EVA1C: variants seen among roughly 807,000 people sequenced by gnomAD.
EVA1C encodes the protein protein eva-1 homolog C.
EVA1C carries 25 observed loss-of-function variants against 45.4 expected under a neutral mutation model. The observed-to-expected ratio is 0.55, with a 90% CI of 0.40 to 0.77. The LOEUF (loss-of-function observed/expected upper bound fraction) is 0.77. Among genes scored for constraint, EVA1C ranks in the 30% least tolerant of loss-of-function variants. The probability of loss-of-function intolerance (pLI) is 0.00; values close to 1 mark genes in which losing one functional copy is unlikely to be tolerated. For missense variants in EVA1C, 479 were observed against 554.8 expected (o/e 0.86, Z 1.37); for synonymous variants, 190 against 221.2 (o/e 0.86, Z 1.25).
intron 1 of EVA1C, among the ~76,000 whole-genome samples, chr21:32,431,651 ATAT>A (rs1736600354): frequency 6.6e-6 from 1 of 152,174 alleles, no homozygotes; most frequent in South Asian, 2.1e-4. Context: ...TAAATATGTA[ATAT>A]TTATTATTAT....
intron 1 of EVA1C, among the ~76,000 whole-genome samples, chr21:32,430,007 A>C (rs1269298858): frequency 2.0e-5 from 3 of 152,116 alleles, no homozygotes; most frequent in Non-Finnish European, 4.4e-5. Context: ...CCCAGTAGCC[A>C]TGTGTGGCCT....
intron 3 of EVA1C, among the ~76,000 whole-genome samples, chr21:32,466,292 G>A (rs763785713): frequency 6.5e-4 from 99 of 151,982 alleles, no homozygotes; most frequent in East Asian, 1.4e-3. Context: ...GGTGGCGGGT[G>A]CCTGTAGTCC....
intron 1 of EVA1C, among the ~76,000 whole-genome samples, chr21:32,433,608 T>A (rs1219965531): frequency 2.0e-5 from 3 of 152,244 alleles, no homozygotes; most frequent in Non-Finnish European, 4.4e-5. Flanking sequence ...CCTCAGGTTG[T>A]CCCTCACTGG....
intron 4 of EVA1C, among the ~76,000 whole-genome samples, chr21:32,490,641 T>G (rs1034489687): frequency 7.9e-5 from 12 of 152,356 alleles, no homozygotes; most frequent in African/African-American, 2.4e-4. Flanking sequence ...TTCCACCTCT[T>G]GGCTGTTGTG....
intron 4 of EVA1C, among the ~76,000 whole-genome samples, chr21:32,471,262 G>A (rs936732502): frequency 6.6e-6 from 1 of 151,908 alleles, no homozygotes; most frequent in African/African-American, 2.4e-5. Flanking sequence ...GATTGTGCAA[G>A]GCATTGTGGA....
intron 1 of EVA1C, among the ~76,000 whole-genome samples, chr21:32,417,018 A>G (rs2034075178): frequency 1.3e-5 from 2 of 152,132 alleles, no homozygotes; most frequent in African/African-American, 4.8e-5. Context: ...TGCAGTGGCT[A>G]TTTGCAGGTG....
intron 1 of EVA1C, among the ~76,000 whole-genome samples, chr21:32,438,486 C>CAAAAA (rs35688820): frequency 5.2e-5 from 3 of 57,260 alleles, no homozygotes; most frequent in African/African-American, 1.4e-4. Flanking sequence ...GACTCTGTCT[C>CAAAAA]AAAAAAAAAA....
At chr21:32,457,491 G>T (rs905485193) in intron 2 of EVA1C, 106 bp from the exon 3 acceptor site, 104 of 1,354,992 alleles carry the variant, frequency 7.7e-5, no homozygotes, top group Non-Finnish European at 1.0e-4. Flanking sequence ...TTGGCCAGGT[G>T]GGGAGGCGTC....
chr21:32,436,295 C>T (rs1453251362), intron 1 of EVA1C, among the ~76,000 whole-genome samples: 1 of 152,192 alleles, frequency 6.6e-6, no homozygotes, highest in African/African-American at 2.4e-5. Flanking sequence ...AACTCCTCAC[C>T]TTGTGATCCA....
At chr21:32,418,380 C>T (rs886808634) in intron 1 of EVA1C, among the ~76,000 whole-genome samples, 2 of 152,122 alleles carry the variant, frequency 1.3e-5, no homozygotes, top group Admixed American at 6.5e-5. Context: ...AGTTTTCTGC[C>T]GGCTCTTTTT....
At chr21:32,448,944 G>GAGAGAA (rs2035468593) in intron 1 of EVA1C, among the ~76,000 whole-genome samples, 2 of 54,666 alleles carry the variant, frequency 3.7e-5, no homozygotes, top group African/African-American at 3.1e-4. Context: ...GAGAGAAAGA[G>GAGAGAA]AGAAAGAAAG....
rs574186502 is a variant in EVA1C, at chr21:32,492,593, T to A, written c.635-2434T>A. ...CCTTCATACTCTCCCTGACCTATGC[T>A]TCTTCACAGCACCAGCCCTTGGCCT... On this transcript the variant is annotated intron_variant, in intron 4 of 7. Coordinates refer to ENST00000300255, the MANE Select transcript of EVA1C (RefSeq NM_058187.5). Among the ~76,000 whole-genome samples, 3 of 152,280 alleles carry A rather than the reference T, an allele frequency of 2.0e-5. No homozygotes were observed. In the South Asian group the frequency reaches 6.2e-4, roughly 32 times the overall value.
intron 1 of EVA1C, among the ~76,000 whole-genome samples, chr21:32,426,500 CCTCT>C (rs375423563): frequency 6.6e-6 from 1 of 151,894 alleles, no homozygotes; most frequent in Non-Finnish European, 1.5e-5. Context: ...ATTCCCCCTA[CCTCT>C]CTCTCTCCAA....
At chr21:32,439,361 C>T (rs755751448) in intron 1 of EVA1C, among the ~76,000 whole-genome samples, 9 of 152,030 alleles carry the variant, frequency 5.9e-5, no homozygotes, top group Non-Finnish European at 1.0e-4. Context: ...TTTGGTGAAG[C>T]GGAGCCAGGT....
chr21:32,513,875 TA>T, intron 7 of EVA1C, among the ~76,000 whole-genome samples: 1 of 152,282 alleles, frequency 6.6e-6, no homozygotes, highest in East Asian at 1.9e-4. Context: ...TGGCCTTCTG[TA>T]TCCATGGATT....
intron 3 of EVA1C, among the ~76,000 whole-genome samples, chr21:32,466,168 C>T (rs1292094233): frequency 6.6e-6 from 1 of 152,194 alleles, no homozygotes; most frequent in Non-Finnish European, 1.5e-5. Context: ...CGCCTGTAAT[C>T]CCAGCACTTT....
Position 32,449,269 on chromosome 21 carries a change from G to A in EVA1C, c.161-4043G>A, listed in dbSNP as rs145130558. Among the ~76,000 whole-genome samples the A allele has an allele frequency of 6.2e-4, 95 of 152,330 alleles. 2 individuals are homozygous for A. The East Asian group carries it at 0.016, about 26-fold the overall frequency. ...TGAGGGCTCACTTTTGGTGTTGTAC[G>A]TTGCATGGGTTTGGACGTATGGACA... is the stretch of plus-strand genomic sequence containing the variant. On this transcript the variant is annotated intron_variant, in intron 1 of 7. Transcript: ENST00000300255.
intron 3 of EVA1C, among the ~76,000 whole-genome samples, chr21:32,461,322 G>C (rs1311790847): frequency 2.0e-5 from 3 of 152,206 alleles, no homozygotes; most frequent in African/African-American, 7.2e-5. Flanking sequence ...CATTTAAGCA[G>C]GGAGGGTGCT....
chr21:32,511,034 TCTCTCTCTCC>T (rs2037928509), intron 7 of EVA1C, among the ~76,000 whole-genome samples: 1 of 131,054 alleles, frequency 7.6e-6, no homozygotes, highest in Non-Finnish European at 1.6e-5. Flanking sequence ...AGGGAGACTC[TCTCTCTCTCC>T]CTCTCTCTCT....
Sources: allele counts gnomAD v4.1 joint callset (sites outside exome capture counted in the v4.1 genomes callset), GRCh38; gene constraint gnomAD v4.1.1; transcripts MANE v1.5; gene names NCBI Gene and HGNC (gene_info 2026-07-23, HGNC 2026-07-21).